The following TSPAN14 variants were observed in gnomAD, a reference collection of about 807,000 sequenced individuals.
TSPAN14 encodes the protein tetraspanin 14.
TSPAN14 carries 16 observed loss-of-function variants against 36.6 expected under a neutral mutation model. The observed-to-expected ratio is 0.44, with a 90% CI of 0.30 to 0.66. The LOEUF is 0.66. TSPAN14 is among the 30% of genes least tolerant of loss of function. The pLI is 0.12. For synonymous variants in TSPAN14, 139 were observed against 143.8 expected (o/e 0.97, Z 0.24); for missense variants, 231 against 355.1 (o/e 0.65, Z 2.81).
rs189409321 is a variant in TSPAN14 at position 80,484,324 on chromosome 10, T to A, written c.-17-4893T>A. ...GACATTGAAAATTTTTCCTTTTTTT[T>A]AAATTTTTTTATTTTTTAAAGACCG... is the stretch of plus-strand genomic sequence containing the variant. On this transcript the variant is annotated intron_variant, in intron 1 of 8. Transcript: ENST00000429989. 3.1e-3 allele frequency among the ~76,000 whole-genome samples: 473 copies of A among 152,188 alleles called. 4 individuals carry two copies. Among genetic ancestry groups the A allele is most frequent in the African/African-American group, 0.011 (438 of 41,528 alleles).
chr10:80,518,527 T>C (rs1841078338), exon 9 of TSPAN14: 1 of 159,574 alleles, frequency 6.3e-6, no homozygotes, highest in Non-Finnish European at 1.4e-5. Context: ...CATGCACATA[T>C]CAGGGGTTGT....
At position 80,509,200 on chromosome 10, in the gene TSPAN14, C is replaced by T. The variant is rs893181360; in HGVS notation, c.280-101C>T. ...GTGGGACTCTCAGGTGCAGAGCCCACGCTCTGCTGAGGATGGTGGTTCTGG... is the reference window on the plus strand; with the variant it reads ...GTGGGACTCTCAGGTGCAGAGCCCATGCTCTGCTGAGGATGGTGGTTCTGG... On this transcript the variant is annotated intron_variant, in intron 4 of 8. Coordinates refer to ENST00000429989, the Ensembl canonical transcript of TSPAN14. The surrounding 1 kb of genome is among the most constrained non-coding windows in gnomAD (Gnocchi z 4.7). 14 of 1,298,416 alleles carry T rather than the reference C, an allele frequency of 1.1e-5. No individual in the cohort carries two copies. Among genetic ancestry groups the T allele is most frequent in the Admixed American group, 6.4e-5 (3 of 46,910 alleles). The allele number at this position is 1,298,416 out of a possible 1,614,324, so 80.4% of individuals were successfully genotyped here.
intron 2 of TSPAN14, among the ~76,000 whole-genome samples, chr10:80,500,012 G>A (rs1001550031): frequency 2.0e-5 from 3 of 152,206 alleles, no homozygotes; most frequent in Admixed American, 1.3e-4. Context: ...TACCTGGCCT[G>A]GCCCCATGGA....
At chr10:80,467,797 G>A (rs1237416105) in intron 1 of TSPAN14, among the ~76,000 whole-genome samples, 1 of 152,324 alleles carries the variant, frequency 6.6e-6, no homozygotes, top group Admixed American at 6.5e-5. Flanking sequence ...CAGGCGCTGA[G>A]TGTGGCCCCT....
chr10:80,492,760 G>A (rs896218037), intron 2 of TSPAN14, among the ~76,000 whole-genome samples: 4 of 151,916 alleles, frequency 2.6e-5, no homozygotes, highest in African/African-American at 4.8e-5. Flanking sequence ...AGCTTGCAGT[G>A]AGCCAAGATC....
At chr10:80,520,838 G>A (rs762038546) in exon 9 of TSPAN14, 6 of 532,704 alleles carry the variant, frequency 1.1e-5, no homozygotes, top group African/African-American at 1.9e-5. Context: ...ACCAGACACT[G>A]CACCTCCTGA....
At position 80,509,177 on chromosome 10, in the gene TSPAN14, G is replaced by A; in HGVS notation, c.280-124G>A. On this transcript the variant is annotated intron_variant, in intron 4 of 8. Transcript: ENST00000429989. This position sits in a 1 kb window ranked among gnomAD's most constrained non-coding sequence, Gnocchi z 4.7. ...GTGTGGGGTTCTGGGGCCCCGATGT[G>A]GGACTCTCAGGTGCAGAGCCCACGC... 1 of 1,042,918 alleles carries A rather than the reference G, an allele frequency of 9.6e-7. No individual in the cohort carries two copies. Among genetic ancestry groups the A allele is most frequent in the South Asian group, 1.6e-5 (1 of 62,376 alleles). 64.6% of individuals were successfully genotyped at this position (1,042,918 alleles called of 1,614,324 possible).
intron 1 of TSPAN14, among the ~76,000 whole-genome samples, chr10:80,476,401 G>A (rs2131983835): frequency 7.8e-6 from 1 of 128,286 alleles, no homozygotes; most frequent in African/African-American, 3.0e-5. Context: ...GAAAATAGTT[G>A]TTTTACTGTT....
intron 2 of TSPAN14, among the ~76,000 whole-genome samples, chr10:80,492,693 G>A (rs1279041350): frequency 6.6e-6 from 1 of 152,112 alleles, no homozygotes; most frequent in Non-Finnish European, 1.5e-5. Flanking sequence ...GTGGGCACCT[G>A]TAGCCCCAGC....
chr10:80,516,161 C>T, intron 7 of TSPAN14, 43 bp from the exon 8 acceptor site: 6 of 1,613,520 alleles, frequency 3.7e-6, no homozygotes, highest in African/African-American at 2.7e-5. Flanking sequence ...GTGGGGACAT[C>T]GTGTGTGCCA....
At position 80,514,103 on chromosome 10, in the gene TSPAN14, G is replaced by A. The variant is rs771781333; in HGVS notation, c.621+40G>A. 8.9e-6 allele frequency: 14 copies of A among 1,570,890 alleles called. No individual in the cohort carries two copies. The Middle Eastern group carries it at 1.0e-3, about 112-fold the overall frequency. On this transcript the variant is annotated intron_variant, in intron 7 of 8. Coordinates refer to ENST00000429989, the Ensembl canonical transcript of TSPAN14. ...GTATACAACTTGAAGAGTTCTTTAG[G>A]TTTTATTCCCTGTGGTTCAACATTC...
intron 6 of TSPAN14, 36 bp from the exon 7 acceptor site, chr10:80,513,983 C>T (rs371144258): frequency 9.4e-5 from 151 of 1,605,420 alleles, no homozygotes; most frequent in Middle Eastern, 4.9e-4. Flanking sequence ...CTTCTTGAGA[C>T]GCCAGAAGCA....
chr10:80,506,892 G>GT (rs2132046356), intron 3 of TSPAN14, among the ~76,000 whole-genome samples: 1 of 152,360 alleles, frequency 6.6e-6, no homozygotes, highest in East Asian at 1.9e-4. Context: ...AGCCACCTGG[G>GT]TGACCAGTTT....
At chr10:80,471,589 G>T (rs2131973209) in intron 1 of TSPAN14, among the ~76,000 whole-genome samples, 1 of 152,362 alleles carries the variant, frequency 6.6e-6, no homozygotes, top group Admixed American at 6.5e-5. Context: ...CTGTCATGAT[G>T]ATCAGGGTAT....
chr10:80,495,997 T>C (rs1848179662), intron 2 of TSPAN14, among the ~76,000 whole-genome samples: 1 of 152,218 alleles, frequency 6.6e-6, no homozygotes, highest in Admixed American at 6.5e-5. Context: ...CTTTGGTATC[T>C]GACTTTTTTT....
intron 1 of TSPAN14, 84 bp from the exon 2 acceptor site, chr10:80,489,133 T>C: frequency 1.1e-6 from 1 of 884,042 alleles, no homozygotes; most frequent in Non-Finnish European, 1.8e-6. Flanking sequence ...ATCGGGAGCT[T>C]TCTAGAATCC....
chr10:80,479,900 T>C (rs368623391), intron 1 of TSPAN14, among the ~76,000 whole-genome samples: 4,946 of 147,584 alleles, frequency 0.034, 132 homozygotes, highest in Non-Finnish European at 0.05. Flanking sequence ...GCCATTTTCA[T>C]GATATTGATT....
At chr10:80,473,673 C>T (rs553157573) in intron 1 of TSPAN14, among the ~76,000 whole-genome samples, 14 of 151,268 alleles carry the variant, frequency 9.3e-5, no homozygotes, top group Admixed American at 3.9e-4. Context: ...GCGGTTGCTG[C>T]CACCATGATG....
intron 3 of TSPAN14, 116 bp from the exon 4 acceptor site, chr10:80,507,112 G>C (rs2132046751): frequency 7.3e-7 from 1 of 1,375,192 alleles, no homozygotes; most frequent in East Asian, 2.5e-5. Flanking sequence ...CTGTCAACAA[G>C]AGGGCTGAGC....
Sources: gnomAD v4.1 joint callset for allele counts (sites outside exome capture counted in the v4.1 genomes callset) on GRCh38, gnomAD v4.1.1 for gene constraint, Gnocchi (gnomAD v3.1) non-coding constraint, MANE v1.5 for transcripts, NCBI Gene and HGNC (gene_info 2026-07-23, HGNC 2026-07-21) for gene names.